Variants in RABGAP1L observed in about 807,000 individuals in gnomAD.
RABGAP1L encodes the protein rab GTPase-activating protein 1-like.
In RABGAP1L, 63 loss-of-function variants were observed where a neutral mutation model predicts 137.7. The ratio of observed to expected loss-of-function variants is 0.46; its 90% CI spans 0.37 to 0.56. The LOEUF is 0.56. RABGAP1L is among the 20% of genes least tolerant of loss of function. RABGAP1L has a pLI of 0.00. For missense variants in RABGAP1L, 1,095 were observed against 1,244.0 expected, an observed-to-expected ratio of 0.88 and a Z score of 1.80; for synonymous variants, 431 against 433.7, an observed-to-expected ratio of 0.99 and a Z score of 0.08.
At chr1:174,775,314 CT>C (rs11318724) in intron 18 of RABGAP1L, among the ~76,000 whole-genome samples, 90,745 of 137,186 alleles carry the variant, frequency 0.66, 33,293 homozygotes, top group East Asian at 0.92. Flanking sequence ...CAGGAGAAAA[CT>C]TTTTTTTTTT....
chr1:174,692,346 T>C (rs1678931813), intron 15 of RABGAP1L, among the ~76,000 whole-genome samples: 1 of 151,952 alleles, frequency 6.6e-6, no homozygotes, highest in Admixed American at 6.6e-5. Flanking sequence ...AAAGCAGGGG[T>C]CTCCTCACGT....
intron 4 of RABGAP1L, among the ~76,000 whole-genome samples, chr1:174,238,397 G>T (rs1202830037): frequency 6.6e-6 from 1 of 152,078 alleles, no homozygotes. Context: ...CATCTTTGTG[G>T]TTTTATCTAC....
intron 13 of RABGAP1L, among the ~76,000 whole-genome samples, chr1:174,524,125 C>T (rs971677954): frequency 6.6e-6 from 1 of 152,094 alleles, no homozygotes; most frequent in Non-Finnish European, 1.5e-5. Flanking sequence ...GATATACTGA[C>T]TTCTTTTCCT....
intron 13 of RABGAP1L, among the ~76,000 whole-genome samples, chr1:174,617,958 T>C (rs7551356): frequency 0.014 from 2,073 of 152,264 alleles, 47 homozygotes; most frequent in African/African-American, 0.046. Flanking sequence ...ACTGCACTTT[T>C]CCAATGGTCT....
chr1:174,673,309 C>G lies in RABGAP1L; in HGVS notation c.1825-10213C>G, dbSNP rs531870562. On this transcript the variant is annotated intron_variant, in intron 14 of 25. Coordinates refer to ENST00000681986, the MANE Select transcript of RABGAP1L (RefSeq NM_001366446.1). ...ACGATTCCCATGATCTAATTTTTCTCTCATTTGAACAGAGAGTGATAATAT... is the reference window on the plus strand; with the variant it reads ...ACGATTCCCATGATCTAATTTTTCTGTCATTTGAACAGAGAGTGATAATAT... 1.2e-4 allele frequency among the ~76,000 whole-genome samples: 19 copies of G among 152,228 alleles called. No individual in the cohort carries two copies. In the South Asian group the frequency reaches 1.7e-3, roughly 13 times the overall value.
chr1:174,481,912 A>G lies in RABGAP1L; in HGVS notation c.1710+87767A>G, dbSNP rs182023794. Among the ~76,000 whole-genome samples the G allele has an allele frequency of 1.8e-4, 27 of 151,814 alleles. 1 individual carries two copies. Among genetic ancestry groups the G allele is most frequent in the African/African-American group, 6.0e-4 (25 of 41,494 alleles). ...AAAAAAGAAAAAAAAAGAAAAAAAA[A>G]AGAAACCACTGAATATGTTAGGTTA... On this transcript the variant is annotated intron_variant, in intron 13 of 25. Transcript: ENST00000681986.
chr1:174,216,989 T>A (rs1263891883), intron 1 of RABGAP1L, among the ~76,000 whole-genome samples: 1 of 151,948 alleles, frequency 6.6e-6, no homozygotes, highest in Non-Finnish European at 1.5e-5. Flanking sequence ...AGAAGATGGG[T>A]TAGGAGGCTT....
At chr1:174,563,299 A>C (rs2148024126) in intron 13 of RABGAP1L, among the ~76,000 whole-genome samples, 1 of 152,318 alleles carries the variant, frequency 6.6e-6, no homozygotes, top group Admixed American at 6.5e-5. Context: ...TTCAATTTGC[A>C]CAAGTATGTT....
chr1:174,624,873 C>CTT (rs562834068), intron 13 of RABGAP1L, among the ~76,000 whole-genome samples: 141 of 131,132 alleles, frequency 1.1e-3, no homozygotes, highest in African/African-American at 1.9e-3. Flanking sequence ...TTTATCTTGC[C>CTT]TTTTTTTTTT....
chr1:174,336,524 A>G (rs879796902), intron 11 of RABGAP1L, among the ~76,000 whole-genome samples: 1 of 152,222 alleles, frequency 6.6e-6, no homozygotes, highest in African/African-American at 2.4e-5. Flanking sequence ...TGTGGCAGGC[A>G]CTGGTTAAGG....
chr1:174,893,500 G>A (rs1656618317), intron 19 of RABGAP1L, among the ~76,000 whole-genome samples: 1 of 152,176 alleles, frequency 6.6e-6, no homozygotes, highest in African/African-American at 2.4e-5. Flanking sequence ...AAAAACAAAA[G>A]TGATGCATAT....
At chr1:174,786,191 C>A (rs1317730363) in intron 18 of RABGAP1L, among the ~76,000 whole-genome samples, 1 of 152,132 alleles carries the variant, frequency 6.6e-6, no homozygotes, top group Admixed American at 6.5e-5. Context: ...CTGGTAAATT[C>A]TAAGTATCTG....
chr1:174,970,883 T>C (rs543965076), intron 21 of RABGAP1L, among the ~76,000 whole-genome samples: 1 of 152,312 alleles, frequency 6.6e-6, no homozygotes, highest in East Asian at 1.9e-4. Flanking sequence ...TCTGGAATAA[T>C]TTTTGTTAAT....
chr1:174,569,076 G>T (rs1667797557), intron 13 of RABGAP1L, among the ~76,000 whole-genome samples: 1 of 152,154 alleles, frequency 6.6e-6, no homozygotes, highest in South Asian at 2.1e-4. Context: ...GACATAAAGT[G>T]GTTACGGTCA....
rs57707616 is a variant in RABGAP1L, at chr1:174,527,901, C to CTTTT, written c.1711-109459_1711-109456dup. 1.5e-3 allele frequency among the ~76,000 whole-genome samples: 190 copies of CTTTT among 124,818 alleles called. 2 individuals carry two copies. The highest frequency in any genetic ancestry group is 5.7e-3 in the African/African-American group (182 of 31,858). The allele number at this position is 124,818 out of a possible 152,430, so 81.9% of individuals were successfully genotyped here. A position where few individuals can be genotyped will look rare whatever the true frequency, so the allele number is the denominator to read the frequency against. Reference sequence around the variant, plus strand: ...AATTACTTTATCATTATATACTTGTCTTTTTTTTTTTTTTTTTTACCTTAT... The same window carrying CTTTT: ...AATTACTTTATCATTATATACTTGTCTTTTTTTTTTTTTTTTTTTTTTACCTTAT... On this transcript the variant is annotated intron_variant, in intron 13 of 25. Coordinates refer to ENST00000681986, the MANE Select transcript of RABGAP1L (RefSeq NM_001366446.1).
intron 1 of RABGAP1L, among the ~76,000 whole-genome samples, chr1:174,164,365 C>T (rs1039684664): frequency 6.6e-6 from 1 of 152,094 alleles, no homozygotes; most frequent in African/African-American, 2.4e-5. Context: ...TGAAGGACAC[C>T]AGGAGATTGT....
chr1:174,824,474 G>A (rs775134021), intron 19 of RABGAP1L, among the ~76,000 whole-genome samples: 2 of 152,004 alleles, frequency 1.3e-5, no homozygotes, highest in Non-Finnish European at 2.9e-5. Context: ...TGGCCTGGGC[G>A]ACAGAGCAAG....
rs570745226 is a variant in RABGAP1L, at chr1:174,686,044, G to A, written c.1899+2448G>A. On this transcript the variant is annotated intron_variant, in intron 15 of 25. Transcript: ENST00000681986. Reference sequence around the variant, plus strand: ...ATAGAGTAAGAAGATTAAATCCCAGGAACAGCAAACATTTGAAGGGCTGAT... The same window carrying A: ...ATAGAGTAAGAAGATTAAATCCCAGAAACAGCAAACATTTGAAGGGCTGAT... Among the ~76,000 whole-genome samples, 3 of 152,254 alleles carry A rather than the reference G, an allele frequency of 2.0e-5. No individual in the cohort carries two copies. In the South Asian group the frequency reaches 6.2e-4, roughly 32 times the overall value.
rs972447750 is a variant in RABGAP1L, at chr1:174,964,796, G to A, written c.2434-4481G>A. 3.9e-5 allele frequency: 53 copies of A among 1,359,004 alleles called. No individual in the cohort carries two copies. In the South Asian group the frequency reaches 6.7e-4, roughly 17 times the overall value. The allele number at this position is 1,359,004 out of a possible 1,614,324, so 84.2% of individuals were successfully genotyped here. On this transcript the variant is annotated intron_variant, in intron 20 of 25. Transcript: ENST00000681986. ...TATCTTTGTTCCATTGAATGTTTGC[G>A]GTCACAGAGAGAACTTAGAGTTATA...
Sources: gnomAD v4.1 joint callset for allele counts (sites outside exome capture counted in the v4.1 genomes callset) on GRCh38, gnomAD v4.1.1 for gene constraint, MANE v1.5 for transcripts, NCBI Gene and HGNC (gene_info 2026-07-23, HGNC 2026-07-21) for gene names.